Variants in ACOT1 observed in about 807,000 individuals in gnomAD.
ACOT1 encodes acyl-CoA thioesterase 1, also known as acyl-coenzyme A thioesterase 1.
Under a neutral mutation model 15.7 loss-of-function variants are expected in ACOT1, and 8 were observed. That is an observed-to-expected ratio of 0.51 (90% CI 0.30 to 0.92). The LOEUF is 0.92. Ranked by LOEUF, ACOT1 falls within the 40% of genes least tolerant of loss-of-function variation. The probability of loss-of-function intolerance (pLI) is 0.06; values close to 1 mark genes in which losing one functional copy is unlikely to be tolerated. For synonymous variants in ACOT1, 67 were observed against 241.2 expected (o/e 0.28, Z 6.69); for missense variants, 151 against 539.4 (o/e 0.28, Z 7.13).
chr14:73,518,141 G>A, the ACOT1 span, among the ~76,000 whole-genome samples: 3 of 151,970 alleles, frequency 2.0e-5, no homozygotes, highest in Non-Finnish European at 4.4e-5. Context: ...TGTCTGGCGG[G>A]TGCCTCCACA....
chr14:73,514,002 A>G, the ACOT1 span: 1 of 1,604,962 alleles, frequency 6.2e-7, no homozygotes. Context: ...TCACAAACGT[A>G]CAGTATCACA....
At chr14:73,513,728 C>CAAAAAA in the ACOT1 span, among the ~76,000 whole-genome samples, 32 of 46,772 alleles carry the variant, frequency 6.8e-4, 2 homozygotes, top group Non-Finnish European at 1.0e-3. Context: ...ACTACGTCTC[C>CAAAAAA]AAAAAAAAAA....
the ACOT1 span, among the ~76,000 whole-genome samples, chr14:73,504,872 G>A: frequency 1.3e-5 from 2 of 152,126 alleles, no homozygotes; most frequent in African/African-American, 2.4e-5. Flanking sequence ...TGGCAAAAAC[G>A]AAGTGTTGCC....
chr14:73,510,211 T>C, the ACOT1 span, among the ~76,000 whole-genome samples: 1 of 151,716 alleles, frequency 6.6e-6, no homozygotes, highest in Non-Finnish European at 1.5e-5. Flanking sequence ...CTTTATAATA[T>C]AGTGTTTTTA....
At chr14:73,509,436 A>C in the ACOT1 span, 5 of 1,613,978 alleles carry the variant, frequency 3.1e-6, no homozygotes, top group Admixed American at 6.7e-5. Context: ...CCTCTAGGGC[A>C]GGCAGTAGAA....
chr14:73,510,699 G>A, the ACOT1 span, among the ~76,000 whole-genome samples: 3 of 152,188 alleles, frequency 2.0e-5, no homozygotes, highest in Non-Finnish European at 4.4e-5. Flanking sequence ...GCCTTCCAAA[G>A]TGCTGGAATT....
chr14:73,506,380 A>C, the ACOT1 span: 6 of 865,006 alleles, frequency 6.9e-6, no homozygotes, highest in South Asian at 8.2e-5. Flanking sequence ...GTAAGAATGG[A>C]ATAATACATA....
chr14:73,520,861 T>C, the ACOT1 span: 1 of 1,613,714 alleles, frequency 6.2e-7, no homozygotes, highest in South Asian at 1.1e-5. Flanking sequence ...CCAAAGTAAA[T>C]CTCCTGTTCA....
the ACOT1 span, among the ~76,000 whole-genome samples, chr14:73,511,692 T>C: frequency 6.6e-6 from 1 of 152,032 alleles, no homozygotes; most frequent in Admixed American, 6.6e-5. Flanking sequence ...CTGGTCAACA[T>C]AGCAAGACAC....
the ACOT1 span, chr14:73,500,821 G>A: frequency 3.3e-6 from 4 of 1,229,420 alleles, no homozygotes; most frequent in Admixed American, 6.5e-5. Context: ...TAAAATCCGG[G>A]TTCTGTAGGC....
the ACOT1 span, among the ~76,000 whole-genome samples, chr14:73,499,680 G>A: frequency 6.6e-6 from 1 of 152,204 alleles, no homozygotes; most frequent in East Asian, 1.9e-4. Context: ...CAGATCTGGG[G>A]CCATATGGCT....
the ACOT1 span, among the ~76,000 whole-genome samples, chr14:73,501,792 C>T: frequency 1.3e-5 from 2 of 150,680 alleles, no homozygotes; most frequent in African/African-American, 2.4e-5. Context: ...CTCACTCTGT[C>T]GCCCAGGCTG....
the ACOT1 span, among the ~76,000 whole-genome samples, chr14:73,506,048 A>G: frequency 6.6e-6 from 1 of 151,160 alleles, no homozygotes; most frequent in Non-Finnish European, 1.5e-5. Flanking sequence ...GTGCCACCAC[A>G]CTCTGCTAAT....
the ACOT1 span, among the ~76,000 whole-genome samples, chr14:73,493,651 A>G: frequency 6.6e-6 from 1 of 152,138 alleles, no homozygotes; most frequent in South Asian, 2.1e-4. Flanking sequence ...CAGCCTGGCC[A>G]ACATGGCAAA....
At chr14:73,508,221 C>T in the ACOT1 span, 53 of 1,613,940 alleles carry the variant, frequency 3.3e-5, no homozygotes, top group Non-Finnish European at 4.4e-5. Context: ...GGAGGATCCT[C>T]TTAATCACAG....
At chr14:73,491,840 C>G in the ACOT1 span, 5 of 1,609,212 alleles carry the variant, frequency 3.1e-6, 1 homozygote, top group Middle Eastern at 8.3e-4. Flanking sequence ...ACGCGAGACC[C>G]TGAACCCACC....
the ACOT1 span, among the ~76,000 whole-genome samples, chr14:73,503,724 G>A: frequency 2.0e-5 from 3 of 152,152 alleles, no homozygotes; most frequent in Admixed American, 6.6e-5. Context: ...ACACCTTATA[G>A]CTGCTTCTGT....
chr14:73,523,282 C>T, the ACOT1 span: 2 of 825,906 alleles, frequency 2.4e-6, no homozygotes, highest in South Asian at 1.9e-5. Flanking sequence ...ATTGGTAGCC[C>T]ATAGCAGTTC....
At chr14:73,514,282 C>A in the ACOT1 span, 1 of 1,555,982 alleles carries the variant, frequency 6.4e-7, no homozygotes, top group Non-Finnish European at 8.8e-7. Context: ...TGCCTTAGGC[C>A]CTGCCACACA....
Sources: gnomAD v4.1 joint callset for allele counts (sites outside exome capture counted in the v4.1 genomes callset) on GRCh38, gnomAD v4.1.1 for gene constraint, MANE v1.5 for transcripts, NCBI Gene and HGNC (gene_info 2026-07-23, HGNC 2026-07-21) for gene names.